Variants in THRAP3 observed in about 807,000 individuals in gnomAD.
THRAP3 encodes the protein thyroid hormone receptor-associated protein 3.
Under a neutral mutation model 101.0 loss-of-function variants are expected in THRAP3, and 16 were observed. The observed-to-expected ratio is 0.16, with a 90% CI of 0.11 to 0.24. THRAP3 has a LOEUF of 0.24. THRAP3 is among the 10% of genes least tolerant of loss of function. THRAP3 has a pLI of 1.00. For synonymous variants in THRAP3, 407 were observed against 422.6 expected (o/e 0.96, Z 0.45); for missense variants, 989 against 1,202.7 (o/e 0.82, Z 2.63).
rs560535817 is a variant in THRAP3, at chr1:36,244,971, C to T, written c.-134-14411C>T. ...TCCTGACCTCGTGATCCACCCGCCTCGGCCTCCCAAAGTGCTGGGATTACA... is the reference window on the plus strand; with the variant it reads ...TCCTGACCTCGTGATCCACCCGCCTTGGCCTCCCAAAGTGCTGGGATTACA... On this transcript the variant is annotated intron_variant, in intron 1 of 11. Coordinates refer to ENST00000354618, the MANE Select transcript of THRAP3 (RefSeq NM_005119.4). 5.9e-5 allele frequency among the ~76,000 whole-genome samples: 9 copies of T among 152,064 alleles called. No homozygotes were observed. In the South Asian group the frequency reaches 1.0e-3, roughly 18 times the overall value.
chr1:36,243,979 C>T (rs1457130518), intron 1 of THRAP3, among the ~76,000 whole-genome samples: 1 of 142,612 alleles, frequency 7.0e-6, no homozygotes, highest in Non-Finnish European at 1.5e-5. Context: ...GGGCTGAACC[C>T]CCCACCTCCC....
chr1:36,291,559 CCTGGCCT>C lies in THRAP3; in HGVS notation c.1918+14_1918+20del. On this transcript the variant is annotated intron_variant, in intron 6 of 11. Coordinates refer to ENST00000354618, the MANE Select transcript of THRAP3 (RefSeq NM_005119.4). ...CACCATGTTAAAGGTGAGTCCAGAC[CCTGGCCT>C]GCTTCAGGCTCGTGTTCCACACTTA... is the stretch of plus-strand genomic sequence containing the variant. The C allele has an allele frequency of 6.2e-7, 1 of 1,611,300 alleles. No individual in the cohort carries two copies. Among genetic ancestry groups the C allele is most frequent in the South Asian group, 1.1e-5 (1 of 90,902 alleles).
At chr1:36,213,650 A>G in the THRAP3 span, among the ~76,000 whole-genome samples, 5 of 151,996 alleles carry the variant, frequency 3.3e-5, no homozygotes, top group Admixed American at 2.0e-4. Flanking sequence ...GTTCGAGACC[A>G]GTCTGGCCAA....
At chr1:36,209,477 T>G in the THRAP3 span, among the ~76,000 whole-genome samples, 1 of 152,190 alleles carries the variant, frequency 6.6e-6, no homozygotes, top group African/African-American at 2.4e-5. Flanking sequence ...TCCCCCATGC[T>G]CGGGGTTGTG....
intron 1 of THRAP3, among the ~76,000 whole-genome samples, chr1:36,226,687 G>T (rs1363827733): frequency 3.3e-5 from 5 of 152,130 alleles, no homozygotes; most frequent in Non-Finnish European, 4.4e-5. Context: ...TCAAATACAG[G>T]GTTTTGGTGG....
intron 5 of THRAP3, among the ~76,000 whole-genome samples, chr1:36,290,125 C>T (rs1036814807): frequency 1.3e-5 from 2 of 152,118 alleles, no homozygotes; most frequent in Non-Finnish European, 2.9e-5. Context: ...GTCTATAGTA[C>T]GGCCCTTCCC....
rs1379523920 is a variant in THRAP3 at position 36,287,115 on chromosome 1, T to A, written c.885T>A (p.Ser295=). The A allele has an allele frequency of 3.1e-6, 5 of 1,614,190 alleles. No individual in the cohort carries two copies. The East Asian group carries it at 8.9e-5, about 29-fold the overall frequency. The change falls in exon 4 of 12, where the codon TCT becomes TCA. Residue 295 remains serine, a synonymous_variant. Transcript: ENST00000354618. ...STLPSGAGYQ[S]GTHQGQFDHG... is the part of the protein sequence containing the mutation. The stretch of plus-strand genomic sequence containing the variant: ...TGCCGAGTGGTGCCGGGTATCAGTC[T>A]GGGACACACCAAGGTCAGTTCGACC...
intron 7 of THRAP3, among the ~76,000 whole-genome samples, 195 bp from the exon 8 acceptor site, chr1:36,293,640 CTGTGTGTGTGTGTGTG>C (rs577292328): frequency 1.0e-4 from 14 of 133,420 alleles, no homozygotes; most frequent in African/African-American, 3.1e-4. Context: ...GAACCTGGGA[CTGTGTGTGTGTGTGTG>C]TGTGTGTGTG....
intron 9 of THRAP3, among the ~76,000 whole-genome samples, chr1:36,297,963 C>T (rs1216982572): frequency 6.7e-6 from 1 of 148,468 alleles, no homozygotes; most frequent in Non-Finnish European, 1.5e-5. Flanking sequence ...TGGCCAATAT[C>T]GTGAAACCCT....
rs1326125113 is a variant in THRAP3 at position 36,286,937 on chromosome 1, C to T, written c.707C>T (p.Ala236Val). 2.2e-5 allele frequency: 35 copies of T among 1,614,090 alleles called. No homozygotes were observed. Among genetic ancestry groups the T allele is most frequent in the Non-Finnish European group, 2.9e-5 (34 of 1,180,046 alleles). ...TACGGCACTGGTTCTGCATCACGGG[C>T]CTCAGCAGTTTCTGAGCTGAGTCCT... Reference protein sequence around the residue: ...ATYGTGSASRASAVSELSPRE... With the variant: ...ATYGTGSASRVSAVSELSPRE... Residue 236 changes from alanine (A) to valine (V), a missense_variant, in exon 4 of 12, where the codon GCC becomes GTC. Ala to Val is a moderately conservative substitution (Grantham distance 64, BLOSUM62 0). Coordinates refer to ENST00000354618, the MANE Select transcript of THRAP3 (RefSeq NM_005119.4). This position sits in a 1 kb window ranked among gnomAD's most constrained non-coding sequence, Gnocchi z 5.5.
chr1:36,229,004 GA>G (rs1644994007), intron 1 of THRAP3, among the ~76,000 whole-genome samples: 1 of 152,068 alleles, frequency 6.6e-6, no homozygotes, highest in African/African-American at 2.4e-5. Context: ...TGTCTCTAAG[GA>G]AGAAAAAGGT....
At position 36,304,251 on chromosome 1, in the gene THRAP3, T is replaced by C. The variant is rs77858929; in HGVS notation, c.*234T>C. On this transcript the variant is annotated 3_prime_UTR_variant, in exon 12 of 12. Coordinates refer to ENST00000354618, the MANE Select transcript of THRAP3 (RefSeq NM_005119.4). ...CAGCTTTTGAGCAGAATACAACGCA[T>C]TGGGCTTTAGCTGTTTTTCTCATTT... 0.02 allele frequency: 8,661 copies of C among 429,614 alleles called. 125 individuals are homozygous for C. Among genetic ancestry groups the C allele is most frequent in the Non-Finnish European group, 0.024 (6,130 of 251,488 alleles). The allele number at this position is 429,614 out of a possible 1,614,324, so 26.6% of individuals were successfully genotyped here. A position where few individuals can be genotyped will look rare whatever the true frequency, so the allele number is the denominator to read the frequency against.
At chr1:36,243,905 C>T (rs1214739042) in intron 1 of THRAP3, among the ~76,000 whole-genome samples, 2 of 143,930 alleles carry the variant, frequency 1.4e-5, no homozygotes, top group Non-Finnish European at 1.5e-5. Flanking sequence ...CCAGACGGGG[C>T]GGCTGGCCGG....
chr1:36,272,743 A>C (rs1285838744), intron 2 of THRAP3, among the ~76,000 whole-genome samples: 1 of 152,176 alleles, frequency 6.6e-6, no homozygotes, highest in Non-Finnish European at 1.5e-5. Flanking sequence ...TGACTGTTGA[A>C]AGCATGGCTC....
chr1:36,223,386 G>A (rs1644918980), upstream of THRAP3, among the ~76,000 whole-genome samples: 1 of 152,154 alleles, frequency 6.6e-6, no homozygotes, highest in Admixed American at 6.5e-5. Context: ...TTTCTCTGGA[G>A]GTGCAGAAAT....
the THRAP3 span, among the ~76,000 whole-genome samples, chr1:36,215,168 G>A: frequency 6.6e-6 from 1 of 151,914 alleles, no homozygotes; most frequent in Non-Finnish European, 1.5e-5. Context: ...GGCTTGCAGT[G>A]AGCCGAGACT....
intron 1 of THRAP3, among the ~76,000 whole-genome samples, chr1:36,243,149 TTC>T (rs1443928283): frequency 2.8e-5 from 4 of 143,208 alleles, no homozygotes; most frequent in African/African-American, 5.5e-5. Context: ...GTGAGGAACT[TTC>T]TTTTTTTTTT....
At chr1:36,262,016 A>G (rs1645452368) in intron 2 of THRAP3, among the ~76,000 whole-genome samples, 1 of 152,186 alleles carries the variant, frequency 6.6e-6, no homozygotes, top group South Asian at 2.1e-4. Context: ...GTTGTTCTCA[A>G]GGACAGTGCT....
chr1:36,225,743 G>A (rs1644954890), intron 1 of THRAP3, among the ~76,000 whole-genome samples: 1 of 152,156 alleles, frequency 6.6e-6, no homozygotes, highest in African/African-American at 2.4e-5. Flanking sequence ...AGCCAAAACC[G>A]GCTCCTGCCA....
Sources: allele counts gnomAD v4.1 joint callset (sites outside exome capture counted in the v4.1 genomes callset), GRCh38; gene constraint gnomAD v4.1.1; non-coding constraint Gnocchi (gnomAD v3.1); transcripts MANE v1.5; gene names NCBI Gene and HGNC (gene_info 2026-07-23, HGNC 2026-07-21).